SGCZ: variants seen among roughly 807,000 people sequenced by gnomAD.
SGCZ encodes the protein zeta-sarcoglycan.
Under a neutral mutation model 41.3 loss-of-function variants are expected in SGCZ, and 40 were observed. That is an observed-to-expected ratio of 0.97 (90% CI 0.75 to 1.26). The LOEUF is 1.26. Among genes scored for constraint, SGCZ ranks in the 50% most tolerant of loss-of-function variants. The pLI is 0.00. For synonymous variants in SGCZ, 206 were observed against 137.5 expected (o/e 1.50, Z -3.49); for missense variants, 552 against 369.8 (o/e 1.49, Z -4.04).
At chr8:14,100,349 T>C (rs988774233) in intron 7 of SGCZ, among the ~76,000 whole-genome samples, 2 of 151,088 alleles carry the variant, frequency 1.3e-5, no homozygotes, top group Admixed American at 6.6e-5. Context: ...AAAATAGATA[T>C]TAATAATAAT....
intron 2 of SGCZ, among the ~76,000 whole-genome samples, chr8:14,502,649 A>G (rs1802188595): frequency 6.6e-6 from 1 of 152,200 alleles, no homozygotes; most frequent in African/African-American, 2.4e-5. Context: ...CGAAGAATAG[A>G]AAGACACTTC....
At chr8:14,625,448 C>T (rs907058921) in intron 1 of SGCZ, among the ~76,000 whole-genome samples, 22 of 151,988 alleles carry the variant, frequency 1.4e-4, no homozygotes, top group Admixed American at 2.6e-4. Context: ...ATTGTTTTAC[C>T]ATATATATAG....
intron 2 of SGCZ, among the ~76,000 whole-genome samples, chr8:14,432,901 G>A (rs570587749): frequency 3.4e-5 from 3 of 88,544 alleles, no homozygotes; most frequent in South Asian, 4.8e-4. Context: ...GCAAAAGAGT[G>A]AGACTGTGTC....
At chr8:14,329,165 T>C (rs1456671993) in intron 2 of SGCZ, among the ~76,000 whole-genome samples, 1 of 152,206 alleles carries the variant, frequency 6.6e-6, no homozygotes, top group Non-Finnish European at 1.5e-5. Flanking sequence ...CAGTATAGTG[T>C]CATTTTAGAA....
chr8:14,307,657 T>G (rs991810268), intron 3 of SGCZ, among the ~76,000 whole-genome samples: 2 of 152,178 alleles, frequency 1.3e-5, no homozygotes, highest in Admixed American at 1.3e-4. Flanking sequence ...AATGTCCACA[T>G]AAAATTTGTG....
intron 1 of SGCZ, among the ~76,000 whole-genome samples, chr8:15,007,280 C>A (rs1283849458): frequency 6.6e-6 from 1 of 152,122 alleles, no homozygotes; most frequent in Non-Finnish European, 1.5e-5. Context: ...GATTTTGATA[C>A]TATGTTACAA....
At chr8:14,428,101 TACACAC>T (rs200114899) in intron 2 of SGCZ, among the ~76,000 whole-genome samples, 333 of 124,474 alleles carry the variant, frequency 2.7e-3, no homozygotes, top group African/African-American at 0.011. Context: ...TGGTTGTATA[TACACAC>T]ACACACACAC....
intron 1 of SGCZ, among the ~76,000 whole-genome samples, chr8:14,966,347 T>G (rs563059501): frequency 2.0e-5 from 3 of 151,746 alleles, no homozygotes; most frequent in African/African-American, 7.2e-5. Flanking sequence ...TTGTATATTA[T>G]TATTTTATTT....
intron 1 of SGCZ, among the ~76,000 whole-genome samples, chr8:14,664,565 G>A (rs142441450): frequency 1.2e-4 from 18 of 152,220 alleles, no homozygotes; most frequent in African/African-American, 2.4e-4. Flanking sequence ...ACTTTAAGGA[G>A]GACAAGAGCT....
intron 5 of SGCZ, among the ~76,000 whole-genome samples, chr8:14,110,002 T>G (rs1802325411): frequency 6.6e-6 from 1 of 152,180 alleles, no homozygotes. Context: ...ATGGTCCTTG[T>G]TTTTAAAACT....
chr8:15,213,353 T>G (rs1801298979), intron 1 of SGCZ, among the ~76,000 whole-genome samples: 1 of 151,862 alleles, frequency 6.6e-6, no homozygotes, highest in Non-Finnish European at 1.5e-5. Context: ...TTTTTTCCCT[T>G]TGGGTAATTA....
intron 3 of SGCZ, among the ~76,000 whole-genome samples, chr8:14,298,223 C>T (rs879483501): frequency 1.3e-5 from 2 of 151,824 alleles, no homozygotes; most frequent in Admixed American, 6.6e-5. Flanking sequence ...TGATGCATTC[C>T]TATGAAAATT....
At chr8:14,849,067 G>A (rs368657448) in intron 1 of SGCZ, among the ~76,000 whole-genome samples, 45 of 152,140 alleles carry the variant, frequency 3.0e-4, no homozygotes, top group African/African-American at 9.1e-4. Context: ...GAAAATAAAC[G>A]TGAGGAAAGA....
At chr8:14,116,575 CCAA>C (rs1311141795) in intron 5 of SGCZ, among the ~76,000 whole-genome samples, 8 of 152,068 alleles carry the variant, frequency 5.3e-5, no homozygotes, top group African/African-American at 1.9e-4. Context: ...TGCATAGAGT[CCAA>C]ATGAGAATCA....
At chr8:14,886,352 G>C (rs531050071) in intron 1 of SGCZ, among the ~76,000 whole-genome samples, 15 of 152,006 alleles carry the variant, frequency 9.9e-5, no homozygotes, top group African/African-American at 3.6e-4. Flanking sequence ...ATATAAACAT[G>C]ATAAAATAAC....
In SGCZ at chr8:15,145,990, G is replaced by A. The variant is rs191053794; in HGVS notation, c.39+91595C>T. ...GAGGGGGTAACAGTAGAGGAACAAGGGGATGAATGCTATCTGCTGTAAGCA... is the reference window on the plus strand; with the variant it reads ...GAGGGGGTAACAGTAGAGGAACAAGAGGATGAATGCTATCTGCTGTAAGCA... On this transcript the variant is annotated intron_variant, in intron 1 of 7. Coordinates refer to ENST00000382080, the MANE Select transcript of SGCZ (RefSeq NM_139167.4). 2.6e-5 allele frequency among the ~76,000 whole-genome samples: 4 copies of A among 152,250 alleles called. No individual in the cohort carries two copies. In the East Asian group the frequency reaches 7.7e-4, roughly 29 times the overall value.
chr8:15,114,147 A>T (rs980554742), intron 1 of SGCZ, among the ~76,000 whole-genome samples: 1 of 152,186 alleles, frequency 6.6e-6, no homozygotes, highest in East Asian at 1.9e-4. Context: ...TCTAACTTGC[A>T]TCCGAATATA....
chr8:14,152,720 T>C (rs1366655980), intron 5 of SGCZ, among the ~76,000 whole-genome samples: 1 of 152,176 alleles, frequency 6.6e-6, no homozygotes, highest in Non-Finnish European at 1.5e-5. Context: ...CACAAAAACT[T>C]GTACACAGGG....
intron 3 of SGCZ, among the ~76,000 whole-genome samples, chr8:14,301,269 T>C (rs1053463076): frequency 3.9e-5 from 6 of 152,046 alleles, no homozygotes; most frequent in Non-Finnish European, 7.4e-5. Context: ...TCTCTCTTTA[T>C]AGAATCTCCT....
Sources: allele counts gnomAD v4.1 joint callset (sites outside exome capture counted in the v4.1 genomes callset), GRCh38; gene constraint gnomAD v4.1.1; transcripts MANE v1.5; gene names NCBI Gene and HGNC (gene_info 2026-07-23, HGNC 2026-07-21).